CNTNAP2: variants seen among roughly 807,000 people sequenced by gnomAD.
CNTNAP2 encodes the protein contactin associated protein 2, also known as contactin-associated protein-like 2.
Under a neutral mutation model 155.2 loss-of-function variants are expected in CNTNAP2, and 98 were observed. The observed-to-expected ratio is 0.63, with a 90% CI of 0.54 to 0.75. The LOEUF is 0.75. Ranked by LOEUF, CNTNAP2 falls within the 30% of genes least tolerant of loss-of-function variation. The probability of loss-of-function intolerance (pLI) is 0.00; values close to 1 mark genes in which losing one functional copy is unlikely to be tolerated. For missense variants in CNTNAP2, 1,727 were observed against 1,688.1 expected (o/e 1.02, Z -0.40); for synonymous variants, 651 against 631.2 (o/e 1.03, Z -0.47).
At chr7:146,234,650 G>A (rs1286286051) in intron 1 of CNTNAP2, among the ~76,000 whole-genome samples, 1 of 151,916 alleles carries the variant, frequency 6.6e-6, no homozygotes, top group East Asian at 1.9e-4. Flanking sequence ...TAAGGTGTAA[G>A]GAAGGGATCC....
intron 15 of CNTNAP2, among the ~76,000 whole-genome samples, chr7:148,109,382 TG>T (rs1396467633): frequency 8.1e-5 from 12 of 148,306 alleles, no homozygotes; most frequent in African/African-American, 2.4e-4. Context: ...TGTTTTGTTT[TG>T]TTTTGTTTTG....
At chr7:146,712,391 A>AGTATACATATCTTATG (rs1293782028) in intron 1 of CNTNAP2, among the ~76,000 whole-genome samples, 729 of 132,062 alleles carry the variant, frequency 5.5e-3, no homozygotes, top group Non-Finnish European at 8.7e-3. Context: ...TATACTATAT[A>AGTATACATATCTTATG]TATAAATAAA....
At chr7:147,122,734 G>T (rs999947525) in intron 6 of CNTNAP2, 3 of 152,138 alleles carry the variant, frequency 2.0e-5, no homozygotes, top group African/African-American at 7.2e-5. Context: ...TGTCCAAAAG[G>T]TGTCAAATAT....
chr7:146,839,826 T>A lies in CNTNAP2; in HGVS notation c.324T>A (p.Asp108Glu). The change falls in exon 3 of 24, where the codon GAT (aspartate) becomes GAA (glutamate). Residue 108 changes from aspartate (D) to glutamate (E), a missense_variant. Transcript: ENST00000361727. The part of the protein sequence containing the change: ...IATQGRYSSS[D>E]WVTQYRMLYS... ...CCCAAGGAAGGTATAGCAGCTCAGA[T>A]TGGGTGACCCAATACCGGATGCTCT... 1 of 1,614,122 alleles carries A rather than the reference T, an allele frequency of 6.2e-7. No homozygotes were observed. Among genetic ancestry groups the A allele is most frequent in the Non-Finnish European group, 8.5e-7 (1 of 1,180,020 alleles).
chr7:147,206,064 A>G (rs1263663548), intron 8 of CNTNAP2, among the ~76,000 whole-genome samples: 4 of 152,134 alleles, frequency 2.6e-5, no homozygotes, highest in Non-Finnish European at 5.9e-5. Flanking sequence ...TGTTCAAGGA[A>G]GCATGCTTAT....
intron 13 of CNTNAP2, among the ~76,000 whole-genome samples, chr7:147,828,147 C>G (rs901121759): frequency 6.6e-6 from 1 of 152,164 alleles, no homozygotes; most frequent in Non-Finnish European, 1.5e-5. Flanking sequence ...TGAAGATGTG[C>G]TTCCAGGTAC....
At chr7:146,898,388 A>G (rs1795921289) in intron 3 of CNTNAP2, among the ~76,000 whole-genome samples, 2 of 152,060 alleles carry the variant, frequency 1.3e-5, no homozygotes, top group Non-Finnish European at 2.9e-5. Flanking sequence ...ATATGTATTG[A>G]TTAGGATTCT....
intron 10 of CNTNAP2, among the ~76,000 whole-genome samples, chr7:147,399,418 G>A (rs879154911): frequency 3.3e-5 from 5 of 152,150 alleles, no homozygotes; most frequent in Admixed American, 2.0e-4. Context: ...ACAAGAAGTA[G>A]TGAGATGTGG....
chr7:146,786,829 G>A (rs1364736664), intron 2 of CNTNAP2: 1 of 152,088 alleles, frequency 6.6e-6, no homozygotes, highest in African/African-American at 2.4e-5. Flanking sequence ...CTTTTGCAAT[G>A]TATTTCCTTT....
chr7:146,334,126 A>G (rs1801230959), intron 1 of CNTNAP2, among the ~76,000 whole-genome samples: 1 of 152,156 alleles, frequency 6.6e-6, no homozygotes, highest in African/African-American at 2.4e-5. Context: ...TGGAAGTCCT[A>G]TAGCAGCTTA....
chr7:147,932,844 G>A (rs1326501382), intron 14 of CNTNAP2, among the ~76,000 whole-genome samples: 1 of 151,996 alleles, frequency 6.6e-6, no homozygotes, highest in African/African-American at 2.4e-5. Flanking sequence ...AAATATATAA[G>A]GAACTCCTCC....
intron 1 of CNTNAP2, among the ~76,000 whole-genome samples, chr7:146,117,691 A>G: frequency 6.6e-6 from 1 of 151,954 alleles, no homozygotes; most frequent in Non-Finnish European, 1.5e-5. Context: ...ATTTTAATCA[A>G]CTGTGTGTGT....
At chr7:147,907,971 T>C (rs1799995223) in intron 14 of CNTNAP2, among the ~76,000 whole-genome samples, 1 of 149,162 alleles carries the variant, frequency 6.7e-6, no homozygotes, top group African/African-American at 2.5e-5. Flanking sequence ...AGAGATGGGG[T>C]TTCACCAGGC....
chr7:147,304,427 G>A (rs1794992249), intron 9 of CNTNAP2, among the ~76,000 whole-genome samples: 1 of 152,096 alleles, frequency 6.6e-6, no homozygotes, highest in African/African-American at 2.4e-5. Flanking sequence ...TTCTGATACA[G>A]GCCGGAATCC....
intron 11 of CNTNAP2, among the ~76,000 whole-genome samples, chr7:147,554,114 G>A (rs369089816): frequency 1.5e-4 from 23 of 152,164 alleles, no homozygotes; most frequent in Admixed American, 1.2e-3. Flanking sequence ...TTGAGGAAGC[G>A]TGTTTGTAGC....
At chr7:147,706,024 A>G (rs1288163412) in intron 13 of CNTNAP2, among the ~76,000 whole-genome samples, 1 of 151,818 alleles carries the variant, frequency 6.6e-6, no homozygotes, top group Non-Finnish European at 1.5e-5. Context: ...TTTTAAGTGG[A>G]AGGTTTAACC....
At chr7:147,837,925 A>T (rs1023713390) in intron 13 of CNTNAP2, among the ~76,000 whole-genome samples, 2 of 152,204 alleles carry the variant, frequency 1.3e-5, no homozygotes, top group African/African-American at 2.4e-5. Context: ...GGGTGTCTAC[A>T]GCTCTTCCAG....
chr7:148,357,928 C>A (rs1303783003), intron 21 of CNTNAP2, among the ~76,000 whole-genome samples: 1 of 152,216 alleles, frequency 6.6e-6, no homozygotes, highest in African/African-American at 2.4e-5. Context: ...TGCTCATTTA[C>A]TCCTGACCTG....
intron 1 of CNTNAP2, among the ~76,000 whole-genome samples, chr7:146,486,306 C>T (rs1027815441): frequency 4.6e-5 from 7 of 151,944 alleles, no homozygotes; most frequent in Admixed American, 2.0e-4. Context: ...CCTCGTGATC[C>T]GCCTGCCTCG....
Sources: allele counts gnomAD v4.1 joint callset (sites outside exome capture counted in the v4.1 genomes callset), GRCh38; gene constraint gnomAD v4.1.1; transcripts MANE v1.5; gene names NCBI Gene and HGNC (gene_info 2026-07-23, HGNC 2026-07-21).